The following GLRA2 variants were observed in gnomAD, a reference collection of about 807,000 sequenced individuals.
The protein encoded by GLRA2 is glycine receptor alpha 2.
GLRA2 carries 11 observed loss-of-function variants against 31.6 expected under a neutral mutation model. The ratio of observed to expected loss-of-function variants is 0.35; its 90% CI spans 0.22 to 0.58. The LOEUF is 0.58. Among genes scored for constraint, GLRA2 ranks in the 20% least tolerant of loss-of-function variants. The probability of loss-of-function intolerance (pLI) is 0.84; values close to 1 mark genes in which losing one functional copy is unlikely to be tolerated. For synonymous variants in GLRA2, 132 were observed against 134.0 expected, an observed-to-expected ratio of 0.99 and a Z score of 0.10; for missense variants, 212 against 351.8, an observed-to-expected ratio of 0.60 and a Z score of 3.18.
the GLRA2 span, among the ~76,000 whole-genome samples, chrX:14,519,358 C>T: frequency 9.0e-6 from 1 of 111,297 alleles, no homozygotes; most frequent in Non-Finnish European, 1.9e-5. Context: ...AGGTGACATC[C>T]TCAGTCTACT....
chrX:14,649,761 G>A (rs1321052224), intron 7 of GLRA2, among the ~76,000 whole-genome samples: 3 of 111,780 alleles, frequency 2.7e-5, no homozygotes, highest in East Asian at 5.6e-4. Context: ...ATATTCCTAA[G>A]TCTTCTTCCC....
At chrX:14,465,350 G>A in the GLRA2 span, among the ~76,000 whole-genome samples, 1 of 111,883 alleles carries the variant, frequency 8.9e-6, no homozygotes, top group Non-Finnish European at 1.9e-5. Context: ...GAGTTTTTGG[G>A]TAGAGTCTTT....
At chrX:14,610,276 T>A (rs1569509087) in intron 7 of GLRA2, among the ~76,000 whole-genome samples, 1 of 112,030 alleles carries the variant, frequency 8.9e-6, no homozygotes, top group Non-Finnish European at 1.9e-5. Context: ...TTATCTCCCA[T>A]GTCCAGAAGA....
At chrX:14,552,379 G>A (rs2089578064) in intron 2 of GLRA2, among the ~76,000 whole-genome samples, 1 of 112,500 alleles carries the variant, frequency 8.9e-6, no homozygotes, top group Non-Finnish European at 1.9e-5. Context: ...CCAACAACAT[G>A]TTAAGTGTGT....
rs7881449 is a variant in GLRA2 at position 14,571,533 on chromosome X, A to C, written c.203-2800A>C. ...AGAAAAATATCCTTAAAGTTAGGCA[A>C]TTTCTGCCTCTTATAAACTCTGCGA... is the stretch of plus-strand genomic sequence containing the variant. On this transcript the variant is annotated intron_variant, in intron 2 of 8. Coordinates refer to ENST00000218075, the MANE Select transcript of GLRA2 (RefSeq NM_002063.4). 5.8e-3 allele frequency among the ~76,000 whole-genome samples: 650 copies of C among 111,775 alleles called. 8 individuals are homozygous for C. The highest frequency in any genetic ancestry group is 0.02 in the African/African-American group (616 of 30,819).
intron 7 of GLRA2, among the ~76,000 whole-genome samples, chrX:14,643,326 T>A (rs902240825): frequency 1.8e-5 from 2 of 111,600 alleles, no homozygotes; most frequent in Non-Finnish European, 3.8e-5. Flanking sequence ...GGGTGTTGCT[T>A]TACACCACTA....
At chrX:14,464,056 GT>G in the GLRA2 span, among the ~76,000 whole-genome samples, 2 of 112,267 alleles carry the variant, frequency 1.8e-5, no homozygotes, top group Non-Finnish European at 3.8e-5. Flanking sequence ...CTGTTGAGAT[GT>G]TTGAGTTCTT....
intron 1 of GLRA2, among the ~76,000 whole-genome samples, chrX:14,531,651 T>G (rs1331820262): frequency 9.0e-6 from 1 of 111,400 alleles, no homozygotes; most frequent in Non-Finnish European, 1.9e-5. Context: ...ATGCTCATTG[T>G]TGACCTATTT....
rs377395210 is a variant in GLRA2, at chrX:14,678,282, G to A, written c.931-12428G>A. On this transcript the variant is annotated intron_variant, in intron 7 of 8. Coordinates refer to ENST00000218075, the MANE Select transcript of GLRA2 (RefSeq NM_002063.4). ...TGAATACCAGAGACTGCAATAGGCA[G>A]CCACAGTAATTCCTAAGCAGATGTG... is the stretch of plus-strand genomic sequence containing the variant. Among the ~76,000 whole-genome samples the A allele has an allele frequency of 3.6e-4, 41 of 112,626 alleles. No homozygotes were observed. The South Asian group carries it at 0.014, about 38-fold the overall frequency.
the GLRA2 span, among the ~76,000 whole-genome samples, chrX:14,453,507 G>A: frequency 2.7e-5 from 3 of 111,715 alleles, no homozygotes; most frequent in African/African-American, 9.8e-5. Context: ...TAATAGATGG[G>A]CTAGTAAAAA....
chrX:14,620,657 C>T (rs1380588125), intron 7 of GLRA2, among the ~76,000 whole-genome samples: 1 of 111,038 alleles, frequency 9.0e-6, no homozygotes, highest in Non-Finnish European at 1.9e-5. Flanking sequence ...AAAATGGGGA[C>T]TGGGACTGCA....
chrX:14,655,951 T>C (rs2090935837), intron 7 of GLRA2, among the ~76,000 whole-genome samples: 1 of 112,104 alleles, frequency 8.9e-6, no homozygotes, highest in Admixed American at 9.4e-5. Flanking sequence ...ACTTACACTC[T>C]AGAACCTCCC....
chrX:14,599,063 T>C (rs746129316), intron 4 of GLRA2, among the ~76,000 whole-genome samples: 6 of 111,559 alleles, frequency 5.4e-5, no homozygotes, highest in Non-Finnish European at 1.1e-4. Flanking sequence ...AGACGGACTT[T>C]CTTTGCTTTG....
chrX:14,679,797 G>A (rs1210841655), intron 7 of GLRA2, among the ~76,000 whole-genome samples: 3 of 111,701 alleles, frequency 2.7e-5, no homozygotes, highest in Non-Finnish European at 5.6e-5. Flanking sequence ...GTATTCTACC[G>A]ACTTTTTGTC....
At chrX:14,633,531 T>A (rs1266361704) in intron 7 of GLRA2, among the ~76,000 whole-genome samples, 1 of 111,626 alleles carries the variant, frequency 9.0e-6, no homozygotes, top group African/African-American at 3.3e-5. Context: ...ATGAATGATT[T>A]AAGAGAGGCA....
At chrX:14,506,550 A>G in the GLRA2 span, among the ~76,000 whole-genome samples, 1 of 111,659 alleles carries the variant, frequency 9.0e-6, no homozygotes, top group African/African-American at 3.3e-5. Flanking sequence ...TCTCCCTACA[A>G]GCTAATTCCC....
chrX:14,509,334 A>G, the GLRA2 span, among the ~76,000 whole-genome samples: 10 of 112,755 alleles, frequency 8.9e-5, no homozygotes, highest in Non-Finnish European at 1.9e-4. Context: ...CTTCACTTGA[A>G]TATTTGTAAT....
At chrX:14,636,018 T>A (rs2090706487) in intron 7 of GLRA2, among the ~76,000 whole-genome samples, 1 of 111,654 alleles carries the variant, frequency 9.0e-6, no homozygotes, top group Non-Finnish European at 1.9e-5. Flanking sequence ...GAGTTCCCAG[T>A]GACCAAAGCT....
Position 14,580,337 on chromosome X carries a change from T to A in GLRA2, c.271-846T>A, listed in dbSNP as rs2090002887. ...AACTACTAGCTCTGAAACCACAGAC[T>A]GGCTTGGTTAGGGAATACTGTTGAA... On this transcript the variant is annotated intron_variant, in intron 3 of 8. Coordinates refer to ENST00000218075, the MANE Select transcript of GLRA2 (RefSeq NM_002063.4). Among the ~76,000 whole-genome samples the A allele has an allele frequency of 2.7e-5, 3 of 112,684 alleles. No individual in the cohort carries two copies. The South Asian group carries it at 1.1e-3, about 42-fold the overall frequency.
Sources: gnomAD v4.1 joint callset for allele counts (sites outside exome capture counted in the v4.1 genomes callset) on GRCh38, gnomAD v4.1.1 for gene constraint, MANE v1.5 for transcripts, NCBI Gene and HGNC (gene_info 2026-07-23, HGNC 2026-07-21) for gene names.